Variants in CMAS observed in about 807,000 individuals in gnomAD.
The protein encoded by CMAS is N-acylneuraminate cytidylyltransferase.
In CMAS, 21 loss-of-function variants were observed where a neutral mutation model predicts 53.4. That is an observed-to-expected ratio of 0.39 (90% CI 0.28 to 0.57). The LOEUF (loss-of-function observed/expected upper bound fraction) is 0.57, where lower values mean the gene tolerates loss of function less well. Ranked by LOEUF, CMAS falls within the 20% of genes least tolerant of loss-of-function variation. The pLI is 0.56. For synonymous variants in CMAS, 189 were observed against 195.2 expected, an observed-to-expected ratio of 0.97 and a Z score of 0.27; for missense variants, 384 against 534.9, an observed-to-expected ratio of 0.72 and a Z score of 2.78.
chr12:22,051,229 G>A (rs954876821), intron 1 of CMAS, among the ~76,000 whole-genome samples: 1 of 152,080 alleles, frequency 6.6e-6, no homozygotes, highest in African/African-American at 2.4e-5. Context: ...TTTTCCTTTA[G>A]TACAAAGTTA....
Position 22,060,905 on chromosome 12 carries a change from T to C in CMAS, c.767T>C (p.Ile256Thr), listed in dbSNP as rs755400151. 1.4e-5 allele frequency: 22 copies of C among 1,600,718 alleles called. No individual in the cohort carries two copies. The African/African-American group carries it at 1.9e-4, about 14-fold the overall frequency. The change falls in exon 5 of 8, where the codon ATT becomes ACT. Residue 256 changes from isoleucine to threonine, a missense_variant. Around this residue, in one of 3 missense-constraint regions of CMAS, gnomAD observed 139 missense variants for 248.0 expected, o/e 0.56. Transcript: ENST00000229329. ...ATAGATGTGGATATTGATTGGCCTA[T>C]TGCAGAGCAAAGAGTATTAAGGTAA... The part of the protein sequence containing the change: ...VDIDVDIDWP[I>T]AEQRVLRYGY...
intron 3 of CMAS, among the ~76,000 whole-genome samples, chr12:22,057,226 T>TACACAC (rs71053371): frequency 0.045 from 5,964 of 133,558 alleles, 173 homozygotes; most frequent in East Asian, 0.08. Flanking sequence ...AACCAGCTAT[T>TACACAC]ACACACACAC....
intron 1 of CMAS, among the ~76,000 whole-genome samples, chr12:22,048,254 G>T (rs1231824404): frequency 1.3e-5 from 2 of 152,194 alleles, no homozygotes; most frequent in South Asian, 2.1e-4. Context: ...GTTGTATCAC[G>T]TTATGATAAA....
chr12:22,053,221 G>A (rs1018741799), intron 1 of CMAS, among the ~76,000 whole-genome samples: 5 of 151,962 alleles, frequency 3.3e-5, no homozygotes, highest in Non-Finnish European at 5.9e-5. Context: ...AACCTGGGAG[G>A]TGGAGGTTGC....
intron 7 of CMAS, among the ~76,000 whole-genome samples, chr12:22,062,770 A>G (rs77564227): frequency 0.024 from 3,690 of 152,264 alleles, 149 homozygotes; most frequent in African/African-American, 0.083. Context: ...GAAGGGATTA[A>G]TAAAATAATA....
intron 1 of CMAS, among the ~76,000 whole-genome samples, chr12:22,052,518 T>A (rs573507384): frequency 6.6e-6 from 1 of 152,310 alleles, no homozygotes; most frequent in East Asian, 1.9e-4. Flanking sequence ...AGTAAATGGC[T>A]TCAGCAATTT....
Position 22,055,225 on chromosome 12 carries a change from T to A in CMAS, c.337T>A (p.Ser113Thr). ...QFGAQVHRRSSEVSKDSSTSL... is the reference protein window; with the variant it reads ...QFGAQVHRRSTEVSKDSSTSL... ...TGGTGCACAAGTTCATCGAAGAAGT[T>A]CTGAAGTTTCAAAAGACAGCTCTAC... Residue 113 changes from serine to threonine, a missense_variant, in exon 2 of 8, where the codon TCT (serine) becomes ACT (threonine). Around this residue, in one of 3 missense-constraint regions of CMAS, gnomAD observed 139 missense variants for 248.0 expected, o/e 0.56. Coordinates refer to ENST00000229329, the MANE Select transcript of CMAS (RefSeq NM_018686.6). 6.2e-7 allele frequency: 1 copy of A among 1,612,504 alleles called. No individual in the cohort carries two copies. Among genetic ancestry groups the A allele is most frequent in the Non-Finnish European group, 8.5e-7 (1 of 1,178,686 alleles).
intron 3 of CMAS, among the ~76,000 whole-genome samples, chr12:22,058,232 C>T (rs1259769863): frequency 1.3e-5 from 2 of 151,038 alleles, no homozygotes; most frequent in African/African-American, 2.4e-5. Context: ...CGAGACCAGC[C>T]CGGACAACAT....
chr12:22,047,623 TG>T (rs1171848107), intron 1 of CMAS, among the ~76,000 whole-genome samples: 1 of 152,114 alleles, frequency 6.6e-6, no homozygotes, highest in East Asian at 1.9e-4. Flanking sequence ...AAGTCCTGGA[TG>T]GACCAAGGCA....
chr12:22,062,260 CTTT>C lies in CMAS; in HGVS notation c.961-6_961-4del, dbSNP rs33946820. The stretch of plus-strand genomic sequence containing the variant: ...TAATTTTTCCCTTCTTCCTCCAATC[CTTT>C]TTTTTTTTTTTTTTAAGGTGAGGCT... On this transcript the variant is annotated intron_variant, in intron 6 of 7. Coordinates refer to ENST00000229329, the MANE Select transcript of CMAS (RefSeq NM_018686.6). The C allele has an allele frequency of 0.17, 237,942 of 1,391,874 alleles. 5,922 individuals carry two copies. Among genetic ancestry groups the C allele is most frequent in the East Asian group, 0.44 (17,228 of 39,576 alleles). The allele number at this position is 1,391,874 out of a possible 1,614,324, so 86.2% of individuals were successfully genotyped here. A position where few individuals can be genotyped will look rare whatever the true frequency, so the allele number is the denominator to read the frequency against.
At chr12:22,051,160 G>A (rs1950238004) in intron 1 of CMAS, among the ~76,000 whole-genome samples, 1 of 152,174 alleles carries the variant, frequency 6.6e-6, no homozygotes, top group Admixed American at 6.5e-5. Flanking sequence ...TTTCAAGGTT[G>A]CTAACTTTGC....
At chr12:22,052,358 A>G (rs1280672979) in intron 1 of CMAS, among the ~76,000 whole-genome samples, 1 of 150,310 alleles carries the variant, frequency 6.7e-6, no homozygotes, top group East Asian at 2.1e-4. Flanking sequence ...TGGTTCATAA[A>G]TTAAGGATGA....
rs112539374 is a variant in CMAS, at chr12:22,060,988, C to G, written c.788+62C>G. On this transcript the variant is annotated intron_variant, in intron 5 of 7. Transcript: ENST00000229329. ...ATCTTAATAATTATATTTCTAGATACTGATTTCTGATACTTCAGACATCTT... is the reference window on the plus strand; with the variant it reads ...ATCTTAATAATTATATTTCTAGATAGTGATTTCTGATACTTCAGACATCTT... 204 of 994,480 alleles carry G rather than the reference C, an allele frequency of 2.1e-4. 1 individual carries two copies. The African/African-American group carries it at 2.7e-3, about 13-fold the overall frequency. The allele number at this position is 994,480 out of a possible 1,614,324, so 61.6% of individuals were successfully genotyped here.
intron 1 of CMAS, among the ~76,000 whole-genome samples, chr12:22,052,764 G>A (rs552044259): frequency 6.6e-6 from 1 of 152,096 alleles, no homozygotes; most frequent in South Asian, 2.1e-4. Context: ...TCCTGCGTTC[G>A]CCCTGCATAG....
chr12:22,058,116 A>G (rs1440193211), intron 3 of CMAS, among the ~76,000 whole-genome samples: 1 of 151,422 alleles, frequency 6.6e-6, no homozygotes, highest in Non-Finnish European at 1.5e-5. Context: ...GTGAATCACC[A>G]CATTCAGCCT....
chr12:22,062,702 G>A (rs1950316792), intron 7 of CMAS, among the ~76,000 whole-genome samples: 1 of 152,136 alleles, frequency 6.6e-6, no homozygotes. Context: ...TAAGATGAAT[G>A]TTGTTTCCTC....
At chr12:22,058,127 A>T (rs1255729522) in intron 3 of CMAS, among the ~76,000 whole-genome samples, 1 of 151,490 alleles carries the variant, frequency 6.6e-6, no homozygotes, top group Non-Finnish European at 1.5e-5. Flanking sequence ...CATTCAGCCT[A>T]AAAAAAGTTC....
At chr12:22,050,232 G>A (rs1010129371) in intron 1 of CMAS, among the ~76,000 whole-genome samples, 1 of 152,206 alleles carries the variant, frequency 6.6e-6, no homozygotes, top group African/African-American at 2.4e-5. Flanking sequence ...CTGTGGATTT[G>A]AATTCCAGCA....
Position 22,046,224 on chromosome 12 carries a change from G to C in CMAS, c.-80G>C. 1 of 1,328,850 alleles carries C rather than the reference G, an allele frequency of 7.5e-7. No individual in the cohort carries two copies. The allele number at this position is 1,328,850 out of a possible 1,614,324, so 82.3% of individuals were successfully genotyped here. ...GCCGCGCGCGCCAGCTGCCAGGCGG[G>C]GATCGGGCGGCGCCGAGCTGAGGTG... On this transcript the variant is annotated 5_prime_UTR_variant, in exon 1 of 8. Coordinates refer to ENST00000229329, the MANE Select transcript of CMAS (RefSeq NM_018686.6).
Sources: allele counts gnomAD v4.1 joint callset (sites outside exome capture counted in the v4.1 genomes callset), GRCh38; gene constraint gnomAD v4.1.1; regional missense constraint gnomAD v4.1.1; transcripts MANE v1.5; gene names NCBI Gene and HGNC (gene_info 2026-07-23, HGNC 2026-07-21).